The following PIP5K1B variants were observed in gnomAD, a reference collection of about 807,000 sequenced individuals.
PIP5K1B encodes phosphatidylinositol 4-phosphate 5-kinase type-1 beta.
Under a neutral mutation model 67.0 loss-of-function variants are expected in PIP5K1B, and 42 were observed. The ratio of observed to expected loss-of-function variants is 0.63; its 90% CI spans 0.49 to 0.81. The LOEUF (loss-of-function observed/expected upper bound fraction) is 0.81. Among genes scored for constraint, PIP5K1B ranks in the 30% least tolerant of loss-of-function variants. The pLI is 0.00. For synonymous variants in PIP5K1B, 214 were observed against 231.4 expected, an observed-to-expected ratio of 0.92 and a Z score of 0.68; for missense variants, 459 against 646.3, an observed-to-expected ratio of 0.71 and a Z score of 3.14.
At chr9:68,778,867 C>T (rs936445004) in intron 2 of PIP5K1B, among the ~76,000 whole-genome samples, 7 of 152,168 alleles carry the variant, frequency 4.6e-5, no homozygotes, top group East Asian at 1.9e-4. Context: ...TGGCTGCCTC[C>T]GGCCTTAGCA....
chr9:68,749,859 C>A (rs868718127), intron 2 of PIP5K1B, among the ~76,000 whole-genome samples: 1 of 152,174 alleles, frequency 6.6e-6, no homozygotes, highest in Admixed American at 6.6e-5. Flanking sequence ...CACATGTCAA[C>A]TGGGGGACAA....
At chr9:68,934,749 C>G (rs1827167539) in intron 12 of PIP5K1B, 141 bp from the exon 13 acceptor site, 7 of 511,774 alleles carry the variant, frequency 1.4e-5, no homozygotes, top group Non-Finnish European at 2.2e-5. Flanking sequence ...TCTCCCTTTC[C>G]ATATATATAA....
chr9:68,823,403 C>G (rs1001165069), intron 4 of PIP5K1B, among the ~76,000 whole-genome samples: 5 of 152,202 alleles, frequency 3.3e-5, no homozygotes, highest in Non-Finnish European at 7.3e-5. Flanking sequence ...AATGGACTCA[C>G]TACTTTCCAC....
intron 2 of PIP5K1B, among the ~76,000 whole-genome samples, chr9:68,759,104 C>G (rs1413865943): frequency 1.3e-5 from 2 of 151,938 alleles, no homozygotes; most frequent in Non-Finnish European, 2.9e-5. Flanking sequence ...GTTCTTCAGA[C>G]AGAAGGGAAA....
intron 14 of PIP5K1B, among the ~76,000 whole-genome samples, chr9:68,990,208 G>A (rs1249885104): frequency 2.0e-5 from 3 of 152,140 alleles, no homozygotes; most frequent in African/African-American, 7.2e-5. Context: ...GCTACTCCAA[G>A]TGTGGTCCTT....
chr9:68,898,382 G>A (rs1341113542), intron 8 of PIP5K1B, among the ~76,000 whole-genome samples: 1 of 151,958 alleles, frequency 6.6e-6, no homozygotes, highest in African/African-American at 2.4e-5. Context: ...CCTATCCCTT[G>A]GTCTGACCCT....
At chr9:68,824,286 T>C (rs1833875602) in intron 4 of PIP5K1B, 1 of 518,028 alleles carries the variant, frequency 1.9e-6, no homozygotes, top group East Asian at 5.4e-5. Context: ...GGAGATCCTT[T>C]GTCGCTGCAA....
intron 2 of PIP5K1B, among the ~76,000 whole-genome samples, chr9:68,759,310 CA>C (rs1294869120): frequency 1.3e-5 from 2 of 152,042 alleles, no homozygotes; most frequent in Admixed American, 6.6e-5. Context: ...TAGCATAAAG[CA>C]GGGAGTAAGG....
chr9:68,895,872 G>A (rs1189995029), intron 8 of PIP5K1B, among the ~76,000 whole-genome samples: 3 of 152,056 alleles, frequency 2.0e-5, no homozygotes, highest in African/African-American at 4.8e-5. Context: ...AATTGCTGAA[G>A]AATTGGGTTC....
chr9:68,730,855 G>A (rs1377458406), intron 1 of PIP5K1B, among the ~76,000 whole-genome samples: 3 of 152,192 alleles, frequency 2.0e-5, no homozygotes, highest in African/African-American at 7.2e-5. Context: ...AGAAAAGGAT[G>A]AATGGATTTC....
intron 8 of PIP5K1B, among the ~76,000 whole-genome samples, chr9:68,896,281 T>C (rs967992875): frequency 1.3e-5 from 2 of 152,114 alleles, no homozygotes; most frequent in Non-Finnish European, 2.9e-5. Flanking sequence ...CTCTTTTGTG[T>C]GCTTCTTGCC....
At chr9:68,937,960 T>G (rs1827352978) in intron 13 of PIP5K1B, among the ~76,000 whole-genome samples, 1 of 152,242 alleles carries the variant, frequency 6.6e-6, no homozygotes, top group Non-Finnish European at 1.5e-5. Flanking sequence ...CACTGTAGTC[T>G]GAGAGACTGT....
chr9:68,960,932 C>T (rs986770292), intron 14 of PIP5K1B, among the ~76,000 whole-genome samples: 1 of 151,952 alleles, frequency 6.6e-6, no homozygotes, highest in African/African-American at 2.4e-5. Context: ...TGTCACCGGC[C>T]GGGCGCGGTG....
chr9:68,732,259 G>A (rs903005462), intron 1 of PIP5K1B, among the ~76,000 whole-genome samples: 3 of 152,196 alleles, frequency 2.0e-5, no homozygotes, highest in African/African-American at 7.2e-5. Flanking sequence ...CTTGCGGGAG[G>A]AAGGGTCTCT....
At chr9:68,984,352 T>C (rs1159993071) in intron 14 of PIP5K1B, among the ~76,000 whole-genome samples, 1 of 152,204 alleles carries the variant, frequency 6.6e-6, no homozygotes, top group African/African-American at 2.4e-5. Flanking sequence ...CTAGGTAGTA[T>C]CTAATCTAAG....
chr9:68,968,635 G>A (rs1393941450), intron 14 of PIP5K1B, among the ~76,000 whole-genome samples: 1 of 150,930 alleles, frequency 6.6e-6, no homozygotes, highest in Non-Finnish European at 1.5e-5. Context: ...AATACATTCT[G>A]CTCTTTTTTT....
chr9:68,755,782 T>C (rs1023970838), intron 2 of PIP5K1B, among the ~76,000 whole-genome samples: 1 of 152,186 alleles, frequency 6.6e-6, no homozygotes, highest in Non-Finnish European at 1.5e-5. Flanking sequence ...TGTGCAACCT[T>C]AGAAATGGGT....
In PIP5K1B at chr9:68,705,637, G is replaced by T. The variant is rs1354402839; in HGVS notation, c.-368G>T. 1.4e-4 allele frequency: 4 copies of T among 27,900 alleles called. No homozygotes were observed. The highest frequency in any genetic ancestry group is 2.9e-4 in the Non-Finnish European group (4 of 13,784). 1.7% of individuals were successfully genotyped at this position (27,900 alleles called of 1,614,324 possible). A position where few individuals can be genotyped will look rare whatever the true frequency, so the allele number is the denominator to read the frequency against. ...CCCCCTCCGCCCTCCCGCCCCTCCCGCCCCTCCCGCCCCTCGCCTGCACTG... is the reference window on the plus strand; with the variant it reads ...CCCCCTCCGCCCTCCCGCCCCTCCCTCCCCTCCCGCCCCTCGCCTGCACTG... On this transcript the variant is annotated 5_prime_UTR_variant, in exon 1 of 16. Transcript: ENST00000265382.
At chr9:68,781,140 CTT>C in intron 2 of PIP5K1B, 1 of 1,394,076 alleles carries the variant, frequency 7.2e-7, no homozygotes, top group Non-Finnish European at 9.8e-7. Flanking sequence ...GACCCCTTTT[CTT>C]TTTTGAAATT....
Sources: gnomAD v4.1 joint callset for allele counts (sites outside exome capture counted in the v4.1 genomes callset) on GRCh38, gnomAD v4.1.1 for gene constraint, MANE v1.5 for transcripts, NCBI Gene and HGNC (gene_info 2026-07-23, HGNC 2026-07-21) for gene names.